Variants in FAF1 observed in about 807,000 individuals in gnomAD.
FAF1 encodes the protein FAS-associated factor 1.
FAF1 carries 25 observed loss-of-function variants against 92.5 expected under a neutral mutation model. The ratio of observed to expected loss-of-function variants is 0.27; its 90% CI spans 0.20 to 0.38. The LOEUF (loss-of-function observed/expected upper bound fraction) is 0.38. Ranked by LOEUF, FAF1 falls within the 10% of genes least tolerant of loss-of-function variation. The pLI is 1.00. For missense variants in FAF1, 636 were observed against 793.3 expected (o/e 0.80, Z 2.38); for synonymous variants, 234 against 273.2 (o/e 0.86, Z 1.42).
Position 50,553,963 on chromosome 1 carries a change from T to C in FAF1, c.1268+13114A>G, listed in dbSNP as rs1274854035. ...GTCTTGGCAATATTCAAGCACAGGCTGGAGCAACATCAGCTAAGCATGTTA... is the reference window on the plus strand; with the variant it reads ...GTCTTGGCAATATTCAAGCACAGGCCGGAGCAACATCAGCTAAGCATGTTA... On this transcript the variant is annotated intron_variant, in intron 13 of 18. Transcript: ENST00000396153. 2.0e-5 allele frequency among the ~76,000 whole-genome samples: 3 copies of C among 151,906 alleles called. No homozygotes were observed. The East Asian group carries it at 5.8e-4, about 29-fold the overall frequency.
At chr1:50,875,865 G>T (rs777929231) in intron 1 of FAF1, among the ~76,000 whole-genome samples, 9 of 152,070 alleles carry the variant, frequency 5.9e-5, no homozygotes, top group South Asian at 2.1e-4. Flanking sequence ...CAACTCCCCA[G>T]ACTCTAGTTT....
At chr1:50,958,452 T>C (rs1202104799) in intron 1 of FAF1, among the ~76,000 whole-genome samples, 1 of 151,338 alleles carries the variant, frequency 6.6e-6, no homozygotes, top group Non-Finnish European at 1.5e-5. Flanking sequence ...CCGAGGAGGG[T>C]GGATCACGAG....
chr1:50,798,735 T>C (rs1569965841), intron 3 of FAF1, among the ~76,000 whole-genome samples: 1 of 152,348 alleles, frequency 6.6e-6, no homozygotes, highest in East Asian at 1.9e-4. Context: ...TGACTTATCC[T>C]ATCTACCTGT....
intron 6 of FAF1, among the ~76,000 whole-genome samples, chr1:50,724,972 A>T (rs898601510): frequency 2.6e-5 from 4 of 152,232 alleles, no homozygotes; most frequent in African/African-American, 7.2e-5. Context: ...TACAGACCAC[A>T]TGAGCATAAA....
At chr1:50,695,481 T>C (rs995138001) in intron 7 of FAF1, among the ~76,000 whole-genome samples, 1 of 152,134 alleles carries the variant, frequency 6.6e-6, no homozygotes, top group East Asian at 1.9e-4. Flanking sequence ...ATTATATAAA[T>C]GAATACAAAT....
At chr1:50,641,588 T>C (rs1654331479) in intron 8 of FAF1, among the ~76,000 whole-genome samples, 1 of 152,196 alleles carries the variant, frequency 6.6e-6, no homozygotes, top group Non-Finnish European at 1.5e-5. Flanking sequence ...TAAATAAATA[T>C]TTATGGTCCA....
chr1:50,516,340 C>G (rs572388872), intron 15 of FAF1, among the ~76,000 whole-genome samples: 1 of 152,070 alleles, frequency 6.6e-6, no homozygotes, highest in Non-Finnish European at 1.5e-5. Flanking sequence ...GGACTATATC[C>G]CTCCGTTTTG....
intron 8 of FAF1, among the ~76,000 whole-genome samples, chr1:50,620,636 A>G (rs564708527): frequency 2.6e-5 from 4 of 152,298 alleles, no homozygotes; most frequent in African/African-American, 9.6e-5. Context: ...GGCTTTTTCA[A>G]CTGCGAGAGT....
At chr1:50,637,477 C>A (rs1271901501) in intron 8 of FAF1, among the ~76,000 whole-genome samples, 3 of 150,292 alleles carry the variant, frequency 2.0e-5, no homozygotes, top group African/African-American at 4.9e-5. Context: ...AAAAAAAAAA[C>A]CCAGAAAATT....
At chr1:50,617,542 C>T (rs918579975) in intron 8 of FAF1, among the ~76,000 whole-genome samples, 1 of 152,076 alleles carries the variant, frequency 6.6e-6, no homozygotes. Flanking sequence ...CTTCCGGATT[C>T]AGTTTGCTAG....
intron 2 of FAF1, among the ~76,000 whole-genome samples, chr1:50,831,695 G>C (rs983654655): frequency 2.6e-5 from 4 of 151,634 alleles, no homozygotes; most frequent in African/African-American, 7.3e-5. Flanking sequence ...AAAAATGTGA[G>C]CCTTACTTGG....
intron 1 of FAF1, among the ~76,000 whole-genome samples, chr1:50,905,050 C>A (rs1180390867): frequency 6.6e-6 from 1 of 152,116 alleles, no homozygotes; most frequent in African/African-American, 2.4e-5. Context: ...CCCCACCCCA[C>A]AACAGGCCCC....
chr1:50,868,992 C>G (rs1279878587), intron 1 of FAF1, among the ~76,000 whole-genome samples: 2 of 152,112 alleles, frequency 1.3e-5, no homozygotes, highest in Admixed American at 1.3e-4. Flanking sequence ...TGAGAGAGAA[C>G]TCTGAAAATC....
intron 4 of FAF1, among the ~76,000 whole-genome samples, chr1:50,762,298 C>T (rs1300771210): frequency 6.6e-6 from 1 of 152,194 alleles, no homozygotes; most frequent in Non-Finnish European, 1.5e-5. Flanking sequence ...CCATCCCCAT[C>T]AAGCTACCAA....
intron 18 of FAF1, among the ~76,000 whole-genome samples, chr1:50,455,471 C>G (rs576041490): frequency 2.1e-4 from 32 of 152,246 alleles, no homozygotes; most frequent in Non-Finnish European, 4.4e-4. Flanking sequence ...CTGCCTGGGA[C>G]AGAGACACTG....
chr1:50,854,068 G>A (rs1471282323), intron 2 of FAF1, among the ~76,000 whole-genome samples: 1 of 151,966 alleles, frequency 6.6e-6, no homozygotes, highest in Non-Finnish European at 1.5e-5. Context: ...AAATTACTAA[G>A]AGGTCTGAAA....
intron 1 of FAF1, among the ~76,000 whole-genome samples, chr1:50,893,143 T>A (rs1388907009): frequency 6.6e-6 from 1 of 152,208 alleles, no homozygotes; most frequent in Admixed American, 6.5e-5. Context: ...GAATTCTCTG[T>A]CTGAAAAAGG....
intron 1 of FAF1, among the ~76,000 whole-genome samples, chr1:50,902,393 T>G (rs1436313162): frequency 6.6e-6 from 1 of 152,236 alleles, no homozygotes; most frequent in African/African-American, 2.4e-5. Context: ...ATAATTTTTA[T>G]GTTGATTACA....
At chr1:50,545,084 C>T (rs184219285) in intron 13 of FAF1, among the ~76,000 whole-genome samples, 4 of 151,744 alleles carry the variant, frequency 2.6e-5, no homozygotes, top group Admixed American at 1.3e-4. Flanking sequence ...AAATAACAAA[C>T]GGGGAAATTT....
Sources: allele counts gnomAD v4.1 joint callset (sites outside exome capture counted in the v4.1 genomes callset), GRCh38; gene constraint gnomAD v4.1.1; transcripts MANE v1.5; gene names NCBI Gene and HGNC (gene_info 2026-07-23, HGNC 2026-07-21).